SELENOT: variants seen among roughly 807,000 people sequenced by gnomAD.
The protein encoded by SELENOT is selenoprotein T.
In SELENOT, 9 loss-of-function variants were observed where a neutral mutation model predicts 24.3. That is an observed-to-expected ratio of 0.37 (90% CI 0.22 to 0.65). The LOEUF (loss-of-function observed/expected upper bound fraction) is 0.65, where lower values mean the gene tolerates loss of function less well. Ranked by LOEUF, SELENOT falls within the 30% of genes least tolerant of loss-of-function variation. The probability of loss-of-function intolerance (pLI) is 0.60; values close to 1 mark genes in which losing one functional copy is unlikely to be tolerated. For missense variants in SELENOT, 166 were observed against 247.6 expected (o/e 0.67, Z 2.21); for synonymous variants, 81 against 86.0 (o/e 0.94, Z 0.32).
rs192027659 is a variant in SELENOT at position 150,619,628 on chromosome 3, G to A, written c.138-2757G>A. Among the ~76,000 whole-genome samples, 494 of 152,324 alleles carry A rather than the reference G, an allele frequency of 3.2e-3. 3 individuals carry two copies. The highest frequency in any genetic ancestry group is 5.3e-3 in the Non-Finnish European group (360 of 68,022). On this transcript the variant is annotated intron_variant, in intron 1 of 5. Coordinates refer to ENST00000471696, the MANE Select transcript of SELENOT (RefSeq NM_016275.5). ...ATAGGCAGCTGATGCAGCATTTTTA[G>A]TGTGTTCATATACTTATTTGGAGGT...
chr3:150,613,103 A>G (rs891791941), intron 1 of SELENOT, among the ~76,000 whole-genome samples: 2 of 152,234 alleles, frequency 1.3e-5, no homozygotes, highest in African/African-American at 4.8e-5. Flanking sequence ...TGGTGTTGCT[A>G]TAATAGAATA....
chr3:150,614,841 C>A (rs1008508788), intron 1 of SELENOT, among the ~76,000 whole-genome samples: 34 of 151,272 alleles, frequency 2.2e-4, no homozygotes, highest in Non-Finnish European at 1.9e-4. Flanking sequence ...AATTCATTGT[C>A]ATTTTATTTA....
chr3:150,607,799 C>G (rs926714300), intron 1 of SELENOT, among the ~76,000 whole-genome samples: 1 of 152,130 alleles, frequency 6.6e-6, no homozygotes, highest in Admixed American at 6.5e-5. Flanking sequence ...GCCTACTGAC[C>G]TCAGAGACCT....
Position 150,604,539 on chromosome 3 carries a change from T to C in SELENOT, c.137+1040T>C, listed in dbSNP as rs1725914817. Among the ~76,000 whole-genome samples the C allele has an allele frequency of 2.0e-5, 3 of 152,224 alleles. No individual in the cohort carries two copies. In the South Asian group the frequency reaches 6.2e-4, roughly 32 times the overall value. ...TGTTGGACATCATTCATTTAAAACC[T>C]TCTTTTAAGAACTTCATGTATTAGT... On this transcript the variant is annotated intron_variant, in intron 1 of 5. Transcript: ENST00000471696.
chr3:150,611,329 G>C, intron 1 of SELENOT: 1 of 506,562 alleles, frequency 2.0e-6, no homozygotes, highest in Non-Finnish European at 2.9e-6. Context: ...GATGAAATAT[G>C]TTAAGGTGTC....
At chr3:150,609,213 C>A (rs375726602) in intron 1 of SELENOT, among the ~76,000 whole-genome samples, 1 of 152,140 alleles carries the variant, frequency 6.6e-6, no homozygotes. Flanking sequence ...GAATACACTG[C>A]GCCATCAGTA....
At chr3:150,606,995 C>T (rs964304901) in intron 1 of SELENOT, among the ~76,000 whole-genome samples, 8 of 151,990 alleles carry the variant, frequency 5.3e-5, no homozygotes, top group South Asian at 2.1e-4. Flanking sequence ...TCCGTATATG[C>T]GATTTAACAT....
At chr3:150,606,161 T>G (rs1725958102) in intron 1 of SELENOT, among the ~76,000 whole-genome samples, 1 of 151,012 alleles carries the variant, frequency 6.6e-6, no homozygotes, top group African/African-American at 2.4e-5. Context: ...TTTTTTTTTT[T>G]TTTTGCTGAG....
intron 1 of SELENOT, chr3:150,611,547 T>G (rs1726092502): frequency 8.5e-7 from 1 of 1,180,082 alleles, no homozygotes; most frequent in Non-Finnish European, 1.3e-6. Flanking sequence ...TTCTCTTTCT[T>G]CTGTTTCGAA....
intron 1 of SELENOT, among the ~76,000 whole-genome samples, chr3:150,605,056 C>T (rs1330776311): frequency 1.4e-5 from 2 of 138,680 alleles, no homozygotes; most frequent in Non-Finnish European, 3.2e-5. Context: ...AAAAAAAAAC[C>T]TCCCTGTACA....
rs1486862834 is a variant in SELENOT at position 150,629,007 on chromosome 3, A to G, written c.*1378A>G. On this transcript the variant is annotated 3_prime_UTR_variant, in exon 6 of 6. Coordinates refer to ENST00000471696, the MANE Select transcript of SELENOT (RefSeq NM_016275.5). ...GGGCATCCCAAATCTGAAATCTGAA[A>G]TGTTCCATGAGCATTTCCTTTGAGT... 1 of 152,226 alleles carries G rather than the reference A, an allele frequency of 6.6e-6. No individual in the cohort carries two copies. The highest frequency in any genetic ancestry group is 1.5e-5 in the Non-Finnish European group (1 of 68,038). The allele number at this position is 152,226 out of a possible 1,614,324, so 9.4% of individuals were successfully genotyped here. A position where few individuals can be genotyped will look rare whatever the true frequency, so the allele number is the denominator to read the frequency against.
At position 150,621,668 on chromosome 3, in the gene SELENOT, CTTAGAGACT is replaced by C. The variant is rs1228113468; in HGVS notation, c.138-704_138-696del. 5.3e-5 allele frequency among the ~76,000 whole-genome samples: 6 copies of C among 113,926 alleles called. No homozygotes were observed. In the East Asian group the frequency reaches 9.4e-4, roughly 18 times the overall value. The allele number at this position is 113,926 out of a possible 152,430, so 74.7% of individuals were successfully genotyped here. ...GCAGCATCTATCTGAAAGTGAGTTGCTTAGAGACTTTAGAGACTTTAATCTCCAGAGTAA... is the reference window on the plus strand; with the variant it reads ...GCAGCATCTATCTGAAAGTGAGTTGCTTAGAGACTTTAATCTCCAGAGTAA... On this transcript the variant is annotated intron_variant, in intron 1 of 5. Transcript: ENST00000471696.
chr3:150,605,766 G>A (rs1289518601), intron 1 of SELENOT, among the ~76,000 whole-genome samples: 1 of 152,064 alleles, frequency 6.6e-6, no homozygotes, highest in African/African-American at 2.4e-5. Flanking sequence ...GTGAATATTG[G>A]GTTTCTGGTT....
chr3:150,626,891 A>T, intron 4 of SELENOT, 119 bp from the exon 5 acceptor site: 1 of 928,618 alleles, frequency 1.1e-6, no homozygotes, highest in Non-Finnish European at 1.6e-6. Context: ...CAAGCAGTGT[A>T]CTTTTTTGCC....
chr3:150,621,683 G>A (rs1413657380), intron 1 of SELENOT, among the ~76,000 whole-genome samples: 2 of 134,964 alleles, frequency 1.5e-5, no homozygotes, highest in Non-Finnish European at 3.1e-5. Context: ...AGACTTTAGA[G>A]ACTTTAATCT....
chr3:150,618,053 C>T (rs763473583), intron 1 of SELENOT, among the ~76,000 whole-genome samples: 29 of 152,208 alleles, frequency 1.9e-4, no homozygotes, highest in Admixed American at 5.9e-4. Flanking sequence ...GACAGAGTTT[C>T]ACCATGTTGG....
At chr3:150,614,872 A>G (rs1726177154) in intron 1 of SELENOT, among the ~76,000 whole-genome samples, 1 of 151,120 alleles carries the variant, frequency 6.6e-6, no homozygotes, top group Non-Finnish European at 1.5e-5. Context: ...ATTATTTTTT[A>G]TTATTATTAT....
intron 1 of SELENOT, among the ~76,000 whole-genome samples, chr3:150,610,514 T>C (rs2108006375): frequency 1.3e-5 from 2 of 152,334 alleles, no homozygotes; most frequent in Middle Eastern, 6.8e-3. Context: ...GGATAGAATA[T>C]ACATAATTGA....
intron 1 of SELENOT, among the ~76,000 whole-genome samples, chr3:150,621,374 T>C (rs7433606): frequency 0.69 from 104,549 of 151,806 alleles, 36,768 homozygotes; most frequent in East Asian, 1. Context: ...GGCTTGGTAG[T>C]AGTGGTTATC....
Sources: allele counts gnomAD v4.1 joint callset (sites outside exome capture counted in the v4.1 genomes callset), GRCh38; gene constraint gnomAD v4.1.1; transcripts MANE v1.5; gene names NCBI Gene and HGNC (gene_info 2026-07-23, HGNC 2026-07-21).